The following SWAP70 variants were observed in gnomAD, a reference collection of about 807,000 sequenced individuals.
SWAP70 encodes the protein switching B cell complex subunit SWAP70, also known as switch-associated protein 70.
In SWAP70, 34 loss-of-function variants were observed where a neutral mutation model predicts 80.2. The observed-to-expected ratio is 0.42, with a 90% confidence interval of 0.32 to 0.56. SWAP70 has a LOEUF of 0.56. Among genes scored for constraint, SWAP70 ranks in the 20% least tolerant of loss-of-function variants. SWAP70 has a pLI of 0.09. For synonymous variants in SWAP70, 239 were observed against 238.5 expected (o/e 1.00, Z -0.02); for missense variants, 578 against 690.7 (o/e 0.84, Z 1.83).
chr11:9,683,417 A>G (rs1011583532), intron 1 of SWAP70, among the ~76,000 whole-genome samples: 1 of 151,706 alleles, frequency 6.6e-6, no homozygotes, highest in African/African-American at 2.4e-5. Flanking sequence ...CCCTGTCTCA[A>G]AAAAAAAGAA....
intron 1 of SWAP70, among the ~76,000 whole-genome samples, chr11:9,671,984 T>C (rs1382655777): frequency 8.6e-6 from 1 of 116,466 alleles, no homozygotes; most frequent in Non-Finnish European, 1.6e-5. Flanking sequence ...TATATTTTTC[T>C]ATATTTTATA....
intron 1 of SWAP70, among the ~76,000 whole-genome samples, chr11:9,684,605 T>C (rs1327594853): frequency 6.6e-6 from 1 of 152,166 alleles, no homozygotes; most frequent in Non-Finnish European, 1.5e-5. Context: ...CTACTAGATC[T>C]CAGGCCAGAC....
At chr11:9,690,530 A>G (rs897718494) in intron 1 of SWAP70, among the ~76,000 whole-genome samples, 10 of 152,110 alleles carry the variant, frequency 6.6e-5, no homozygotes, top group South Asian at 4.1e-4. Flanking sequence ...AGATCATGCC[A>G]TTGCACTCCA....
In SWAP70 at chr11:9,732,702, G is replaced by A. The variant is rs1055207838; in HGVS notation, c.1072G>A (p.Val358Met). ...NESKQQELEAVRKKLEEAASR... is the reference protein window; with the variant it reads ...NESKQQELEAMRKKLEEAASR... Reference sequence around the variant, plus strand: ...AAGCAAGCAGCAGGAGCTGGAGGCCGTGCGGAAGGTGGGAATGGGCGCTGG... The same window carrying A: ...AAGCAAGCAGCAGGAGCTGGAGGCCATGCGGAAGGTGGGAATGGGCGCTGG... The change falls in exon 7 of 12, where the codon GTG becomes ATG. Residue 358 changes from valine to methionine, a missense_variant. By Grantham distance (21) the Val-to-Met change is conservative. Coordinates refer to ENST00000318950, the MANE Select transcript of SWAP70 (RefSeq NM_015055.4). 1.3e-5 allele frequency: 20 copies of A among 1,546,718 alleles called. No individual in the cohort carries two copies. Among genetic ancestry groups the A allele is most frequent in the Non-Finnish European group, 1.7e-5 (19 of 1,146,152 alleles).
chr11:9,725,839 G>A (rs1012966885), intron 4 of SWAP70, among the ~76,000 whole-genome samples: 2 of 151,500 alleles, frequency 1.3e-5, no homozygotes, highest in African/African-American at 4.9e-5. Flanking sequence ...CAAAGTGTTG[G>A]CATTACAGGC....
chr11:9,736,101 T>G (rs1851359936), intron 7 of SWAP70, among the ~76,000 whole-genome samples: 1 of 152,146 alleles, frequency 6.6e-6, no homozygotes. Context: ...CTGTCTTTAG[T>G]AGATTTTTCT....
chr11:9,678,042 A>G (rs1271872405), intron 1 of SWAP70, among the ~76,000 whole-genome samples: 1 of 152,348 alleles, frequency 6.6e-6, no homozygotes, highest in East Asian at 1.9e-4. Flanking sequence ...TTGAAAATAT[A>G]AAGGAAGCAA....
At chr11:9,675,942 G>C (rs1394651841) in intron 1 of SWAP70, among the ~76,000 whole-genome samples, 1 of 151,058 alleles carries the variant, frequency 6.6e-6, no homozygotes, top group African/African-American at 2.4e-5. Flanking sequence ...AAATACAACT[G>C]ATTGTCATGT....
In SWAP70 at chr11:9,706,864, T is replaced by A. The variant is rs149816551; in HGVS notation, c.241-6602T>A. 2.5e-4 allele frequency among the ~76,000 whole-genome samples: 38 copies of A among 152,286 alleles called. No homozygotes were observed. In the East Asian group the frequency reaches 7.1e-3, roughly 29 times the overall value. ...AGCTGTGTATATGGTCAGTACATCA[T>A]ATAATTTAATAATAAATACTTTGCA... On this transcript the variant is annotated intron_variant, in intron 2 of 11. Coordinates refer to ENST00000318950, the MANE Select transcript of SWAP70 (RefSeq NM_015055.4).
chr11:9,690,324 C>G (rs988213533), intron 1 of SWAP70, among the ~76,000 whole-genome samples: 4 of 152,128 alleles, frequency 2.6e-5, no homozygotes, highest in Admixed American at 6.5e-5. Context: ...GTTCACGCCT[C>G]TAATCCCAGC....
In SWAP70 at chr11:9,752,297, C is replaced by T. The variant is rs1379465407; in HGVS notation, c.*2327C>T. ...GACCTGGGGCTTAGCTGCTCTAGCC[C>T]TGGGTTCTTGGAGACCTCACACTGC... On this transcript the variant is annotated 3_prime_UTR_variant, in exon 12 of 12. Transcript: ENST00000318950. 3.3e-5 allele frequency: 5 copies of T among 152,262 alleles called. No homozygotes were observed. Among genetic ancestry groups the T allele is most frequent in the African/African-American group, 1.2e-4 (5 of 41,462 alleles). 9.4% of individuals were successfully genotyped at this position (152,262 alleles called of 1,614,324 possible).
At chr11:9,718,699 A>G (rs1181236578) in intron 3 of SWAP70, among the ~76,000 whole-genome samples, 1 of 152,198 alleles carries the variant, frequency 6.6e-6, no homozygotes. Flanking sequence ...TTTAGGATTT[A>G]TAAATTTGAA....
At chr11:9,673,647 G>A (rs776534904) in intron 1 of SWAP70, among the ~76,000 whole-genome samples, 1 of 152,192 alleles carries the variant, frequency 6.6e-6, no homozygotes, top group Admixed American at 6.5e-5. Context: ...GTCTCTCTGT[G>A]TAGCTTTCCT....
At chr11:9,678,273 CATGAGCCACTGCACCCAGCCTAAAG>C (rs1850525002) in intron 1 of SWAP70, among the ~76,000 whole-genome samples, 1 of 152,104 alleles carries the variant, frequency 6.6e-6, no homozygotes, top group South Asian at 2.1e-4. Flanking sequence ...GGATTACAGG[CATGAGCCACTGCACCCAGCCTAAAG>C]TCTTTGTAAA....
chr11:9,674,120 C>G (rs1042132553), intron 1 of SWAP70, among the ~76,000 whole-genome samples: 2 of 152,072 alleles, frequency 1.3e-5, no homozygotes, highest in African/African-American at 4.8e-5. Context: ...AGGCTGGTCT[C>G]AAACTCCTGA....
At chr11:9,732,337 G>A (rs973327796) in intron 6 of SWAP70, among the ~76,000 whole-genome samples, 192 bp from the exon 7 acceptor site, 1 of 151,874 alleles carries the variant, frequency 6.6e-6, no homozygotes, top group Non-Finnish European at 1.5e-5. Context: ...TTCTTGAGGG[G>A]AGCTCTGAAA....
chr11:9,671,598 A>C (rs1850396357), intron 1 of SWAP70, among the ~76,000 whole-genome samples: 1 of 15,146 alleles, frequency 6.6e-5, no homozygotes, highest in Non-Finnish European at 3.0e-4. Context: ...ATATATAAAT[A>C]TATTTATATA....
intron 1 of SWAP70, among the ~76,000 whole-genome samples, chr11:9,674,802 A>G (rs1470668749): frequency 6.6e-6 from 1 of 151,784 alleles, no homozygotes; most frequent in Non-Finnish European, 1.5e-5. Flanking sequence ...TTCTCTACCA[A>G]AAATACAAAA....
rs201396342 is a variant in SWAP70, at chr11:9,729,360, T to C, written c.807T>C (p.Asp269=). 3 of 1,613,192 alleles carry C rather than the reference T, an allele frequency of 1.9e-6. No homozygotes were observed. In the East Asian group the frequency reaches 6.7e-5, roughly 36 times the overall value. ...NCCVESLPDK[D]GKKCLFLVKC... ...TGTTTTAGTCCTTGCCTGACAAAGA[T>C]GGAAAGAAATGCCTTTTTCTCGTAA... The change falls in exon 6 of 12, where the codon GAT becomes GAC. Residue 269 remains aspartate, a synonymous_variant. Coordinates refer to ENST00000318950, the MANE Select transcript of SWAP70 (RefSeq NM_015055.4).
Sources: gnomAD v4.1 joint callset for allele counts (sites outside exome capture counted in the v4.1 genomes callset) on GRCh38, gnomAD v4.1.1 for gene constraint, MANE v1.5 for transcripts, NCBI Gene and HGNC (gene_info 2026-07-23, HGNC 2026-07-21) for gene names.